The following PDE7B variants were observed in gnomAD, a reference collection of about 807,000 sequenced individuals.
PDE7B encodes 3',5'-cyclic-AMP phosphodiesterase 7B.
Under a neutral mutation model 56.2 loss-of-function variants are expected in PDE7B, and 29 were observed. The observed-to-expected ratio is 0.52, with a 90% CI of 0.38 to 0.70. PDE7B has a LOEUF of 0.70. Ranked by LOEUF, PDE7B falls within the 30% of genes least tolerant of loss-of-function variation. The pLI, the probability that PDE7B is intolerant of heterozygous loss-of-function variation, is 0.00. For synonymous variants in PDE7B, 197 were observed against 196.9 expected (o/e 1.00, Z 0.00); for missense variants, 490 against 565.0 (o/e 0.87, Z 1.35).
At chr6:136,074,307 A>T (rs1777096846) in intron 2 of PDE7B, among the ~76,000 whole-genome samples, 1 of 152,076 alleles carries the variant, frequency 6.6e-6, no homozygotes. Context: ...TTTTGTGGGC[A>T]CATAGTAAGG....
chr6:136,025,945 G>A (rs1443953722), intron 2 of PDE7B, among the ~76,000 whole-genome samples: 1 of 152,122 alleles, frequency 6.6e-6, no homozygotes, highest in East Asian at 1.9e-4. Flanking sequence ...CTGGCACTGT[G>A]ATATTGTAAG....
intron 2 of PDE7B, among the ~76,000 whole-genome samples, chr6:136,000,112 G>A (rs189822842): frequency 6.6e-6 from 1 of 152,180 alleles, no homozygotes; most frequent in Non-Finnish European, 1.5e-5. Context: ...TTATTTTCTT[G>A]TAAATTTGTT....
intron 1 of PDE7B, among the ~76,000 whole-genome samples, chr6:135,853,549 ACT>A (rs1774973517): frequency 6.6e-6 from 1 of 152,190 alleles, no homozygotes; most frequent in Non-Finnish European, 1.5e-5. Context: ...AAATGAAGTC[ACT>A]TTTGTCTCAA....
Position 135,861,584 on chromosome 6 carries a change from G to A in PDE7B, c.21+9565G>A, listed in dbSNP as rs537222680. Among the ~76,000 whole-genome samples, 110 of 150,052 alleles carry A rather than the reference G, an allele frequency of 7.3e-4. 1 individual carries two copies. Among genetic ancestry groups the A allele is most frequent in the African/African-American group, 2.5e-3 (104 of 41,118 alleles). On this transcript the variant is annotated intron_variant, in intron 1 of 12. Coordinates refer to ENST00000308191, the MANE Select transcript of PDE7B (RefSeq NM_018945.4). ...TATATTACAAACATTTTTTCCATTG[G>A]TAAAATCTCATGTTTTATTCTTCTC...
intron 2 of PDE7B, among the ~76,000 whole-genome samples, chr6:135,948,892 T>TAGACAGAC (rs1190437739): frequency 2.3e-5 from 1 of 43,572 alleles, no homozygotes; most frequent in Admixed American, 2.4e-4. Flanking sequence ...GATAGATAGA[T>TAGACAGAC]AGATAGACAG....
At position 136,151,191 on chromosome 6, in the gene PDE7B, C is replaced by G. The variant is rs377173172; in HGVS notation, c.414C>G (p.Leu138=). ...GNSLVTLLCH[L]FNTHGLIHHF... is the part of the protein sequence containing the mutation. ...GCCTGGTAACACTGTTGTGCCACCTCTTCAATACCCATGGACTCATTCACC... is the reference window on the plus strand; with the variant it reads ...GCCTGGTAACACTGTTGTGCCACCTGTTCAATACCCATGGACTCATTCACC... The change falls in exon 6 of 13, where the codon CTC becomes CTG. Residue 138 remains leucine, a synonymous_variant. Transcript: ENST00000308191. 1 of 1,611,662 alleles carries G rather than the reference C, an allele frequency of 6.2e-7. No individual in the cohort carries two copies. The highest frequency in any genetic ancestry group is 8.5e-7 in the Non-Finnish European group (1 of 1,177,926).
intron 8 of PDE7B, among the ~76,000 whole-genome samples, chr6:136,164,562 A>T (rs897551702): frequency 1.3e-5 from 2 of 152,194 alleles, no homozygotes; most frequent in Non-Finnish European, 2.9e-5. Context: ...TTCTTTCCAA[A>T]TTTGCAATAA....
At chr6:135,859,130 A>C (rs1185895991) in intron 1 of PDE7B, among the ~76,000 whole-genome samples, 1 of 152,114 alleles carries the variant, frequency 6.6e-6, no homozygotes, top group Non-Finnish European at 1.5e-5. Context: ...GTTAGATGAA[A>C]GAACTCAGTC....
intron 2 of PDE7B, among the ~76,000 whole-genome samples, chr6:136,075,475 G>A (rs1021241734): frequency 3.9e-5 from 6 of 152,302 alleles, no homozygotes; most frequent in African/African-American, 1.2e-4. Context: ...GGAATATGAT[G>A]CTCCTCAGTC....
intron 2 of PDE7B, among the ~76,000 whole-genome samples, chr6:135,963,884 G>A (rs1254477053): frequency 6.6e-6 from 1 of 152,004 alleles, no homozygotes; most frequent in Non-Finnish European, 1.5e-5. Flanking sequence ...AGAAATGGGG[G>A]AAAAAGCTGA....
chr6:136,092,853 A>G (rs1235165596), intron 2 of PDE7B, among the ~76,000 whole-genome samples: 1 of 151,994 alleles, frequency 6.6e-6, no homozygotes, highest in Admixed American at 6.6e-5. Flanking sequence ...AAATTCAGGA[A>G]CTCTACTGTA....
intron 2 of PDE7B, among the ~76,000 whole-genome samples, chr6:136,056,229 C>T (rs1301017121): frequency 1.3e-5 from 2 of 152,202 alleles, no homozygotes; most frequent in Non-Finnish European, 2.9e-5. Flanking sequence ...TCAGTCTTCC[C>T]CACACTAACC....
At chr6:136,023,657 T>C (rs1204851733) in intron 2 of PDE7B, among the ~76,000 whole-genome samples, 3 of 152,214 alleles carry the variant, frequency 2.0e-5, no homozygotes, top group African/African-American at 7.2e-5. Flanking sequence ...TATCAGTCTC[T>C]ACAGTCTCTT....
intron 2 of PDE7B, among the ~76,000 whole-genome samples, chr6:136,060,998 G>C (rs1301721430): frequency 6.6e-6 from 1 of 152,078 alleles, no homozygotes; most frequent in Non-Finnish European, 1.5e-5. Context: ...TGTAATAGAT[G>C]CTCAATAATT....
intron 2 of PDE7B, chr6:136,034,411 TTTTTA>T (rs1176720209): frequency 6.6e-6 from 1 of 152,200 alleles, no homozygotes; most frequent in Non-Finnish European, 1.5e-5. Context: ...AAGCAAAGTC[TTTTTA>T]TTTTTAGTTT....
chr6:136,155,035 C>T (rs1778581988), intron 7 of PDE7B, among the ~76,000 whole-genome samples: 1 of 152,148 alleles, frequency 6.6e-6, no homozygotes, highest in Non-Finnish European at 1.5e-5. Flanking sequence ...CTATGTCATA[C>T]AGTTGTATTT....
At chr6:135,974,607 ACT>A (rs1158610242) in intron 2 of PDE7B, among the ~76,000 whole-genome samples, 2 of 152,160 alleles carry the variant, frequency 1.3e-5, no homozygotes, top group Non-Finnish European at 2.9e-5. Context: ...CAATTCTCTG[ACT>A]CTCTTTTCCA....
chr6:135,922,661 C>T lies in PDE7B; in HGVS notation c.22-24803C>T, dbSNP rs185345725. 3.2e-3 allele frequency among the ~76,000 whole-genome samples: 482 copies of T among 152,212 alleles called. 2 individuals carry two copies. The highest frequency in any genetic ancestry group is 0.011 in the African/African-American group (464 of 41,518). ...TTGCTTCTGCTTTTGGAATGCTTTA[C>T]TGAGGCTGGATATATATTATGAAAC... is the stretch of plus-strand genomic sequence containing the variant. On this transcript the variant is annotated intron_variant, in intron 1 of 12. Coordinates refer to ENST00000308191, the MANE Select transcript of PDE7B (RefSeq NM_018945.4).
chr6:135,957,791 G>A (rs144308941), intron 2 of PDE7B, among the ~76,000 whole-genome samples: 1 of 152,150 alleles, frequency 6.6e-6, no homozygotes, highest in East Asian at 1.9e-4. Flanking sequence ...ACTCTAGAAG[G>A]TTATTTTTTG....
Sources: gnomAD v4.1 joint callset for allele counts (sites outside exome capture counted in the v4.1 genomes callset) on GRCh38, gnomAD v4.1.1 for gene constraint, MANE v1.5 for transcripts, NCBI Gene and HGNC (gene_info 2026-07-23, HGNC 2026-07-21) for gene names.